SNTG2: variants seen among roughly 807,000 people sequenced by gnomAD.
SNTG2 encodes the protein syntrophin gamma 2.
In SNTG2, 74 loss-of-function variants were observed where a neutral mutation model predicts 70.9. The ratio of observed to expected loss-of-function variants is 1.04; its 90% confidence interval spans 0.86 to 1.27. The LOEUF (loss-of-function observed/expected upper bound fraction) is 1.27, where lower values mean the gene tolerates loss of function less well. Ranked by LOEUF, SNTG2 falls within the 50% of genes most tolerant of loss-of-function variation. The probability of loss-of-function intolerance (pLI) is 0.00; values close to 1 mark genes in which losing one functional copy is unlikely to be tolerated. For synonymous variants in SNTG2, 278 were observed against 273.8 expected (o/e 1.02, Z -0.15); for missense variants, 717 against 690.7 (o/e 1.04, Z -0.43).
chr2:1,090,775 C>T (rs188471598), intron 2 of SNTG2, among the ~76,000 whole-genome samples: 7 of 152,300 alleles, frequency 4.6e-5, no homozygotes, highest in African/African-American at 1.7e-4. Flanking sequence ...CACATGTTCA[C>T]TTGAGGCGTT....
intron 4 of SNTG2, among the ~76,000 whole-genome samples, chr2:1,131,194 C>G (rs541605964): frequency 6.6e-6 from 1 of 152,132 alleles, no homozygotes; most frequent in East Asian, 1.9e-4. Context: ...CTGATTTATT[C>G]CTGGGTGAAT....
chr2:1,288,748 C>A (rs372267205), intron 14 of SNTG2, among the ~76,000 whole-genome samples: 1 of 152,174 alleles, frequency 6.6e-6, no homozygotes, highest in African/African-American at 2.4e-5. Flanking sequence ...ACATGACACA[C>A]CTCACACACA....
intron 1 of SNTG2, among the ~76,000 whole-genome samples, chr2:970,343 G>A (rs1230135141): frequency 6.6e-6 from 1 of 151,410 alleles, no homozygotes; most frequent in East Asian, 2.0e-4. Flanking sequence ...ATGTATACAT[G>A]TGCCATGCTG....
At chr2:1,216,082 G>T (rs1674372572) in intron 9 of SNTG2, among the ~76,000 whole-genome samples, 2 of 152,156 alleles carry the variant, frequency 1.3e-5, no homozygotes, top group African/African-American at 4.8e-5. Flanking sequence ...TAATGGGATG[G>T]CTGGGTCAAA....
At chr2:955,577 T>C (rs1179702478) in intron 1 of SNTG2, among the ~76,000 whole-genome samples, 2 of 152,190 alleles carry the variant, frequency 1.3e-5, no homozygotes, top group Non-Finnish European at 2.9e-5. Context: ...AAATGACAAA[T>C]CCTGTGCAAG....
chr2:1,160,868 G>C (rs1401121028), intron 6 of SNTG2: 1 of 152,306 alleles, frequency 6.6e-6, no homozygotes, highest in African/African-American at 2.4e-5. Context: ...GGAATTCCGA[G>C]GAAGGAACCT....
At chr2:1,180,864 T>G (rs961771538) in intron 8 of SNTG2, among the ~76,000 whole-genome samples, 1 of 152,008 alleles carries the variant, frequency 6.6e-6, no homozygotes, top group Non-Finnish European at 1.5e-5. Context: ...GTGGCACATA[T>G]GCACCATGGA....
At chr2:1,120,587 AAG>A (rs1667318278) in intron 4 of SNTG2, among the ~76,000 whole-genome samples, 1 of 152,162 alleles carries the variant, frequency 6.6e-6, no homozygotes, top group African/African-American at 2.4e-5. Context: ...TGGTAGCCAA[AAG>A]AGAGAAGGGG....
At chr2:1,300,024 A>G (rs937628421) in intron 14 of SNTG2, among the ~76,000 whole-genome samples, 2 of 151,778 alleles carry the variant, frequency 1.3e-5, no homozygotes, top group African/African-American at 4.8e-5. Flanking sequence ...AGGTGCCTCA[A>G]ACGAGGGCAC....
chr2:1,115,525 G>T (rs1166317216), intron 4 of SNTG2, among the ~76,000 whole-genome samples: 3 of 152,178 alleles, frequency 2.0e-5, no homozygotes, highest in African/African-American at 7.2e-5. Context: ...AGGATCATGT[G>T]TACTAAGTGA....
chr2:1,290,551 C>CA (rs1218809183), intron 14 of SNTG2, among the ~76,000 whole-genome samples: 1 of 152,138 alleles, frequency 6.6e-6, no homozygotes, highest in Non-Finnish European at 1.5e-5. Context: ...CTGACCCAAG[C>CA]AATCCACCCA....
At chr2:1,035,407 AG>A (rs1661076326) in intron 1 of SNTG2, among the ~76,000 whole-genome samples, 1 of 152,170 alleles carries the variant, frequency 6.6e-6, no homozygotes, top group African/African-American at 2.4e-5. Context: ...AAATGTATTG[AG>A]GGTTACTTTC....
intron 15 of SNTG2, among the ~76,000 whole-genome samples, chr2:1,309,790 T>C (rs944849485): frequency 2.6e-5 from 4 of 152,248 alleles, no homozygotes; most frequent in African/African-American, 9.6e-5. Context: ...AAGAAGGGAT[T>C]TCACATCTGC....
chr2:1,137,488 TCACGTGGACACATGCACACACACACA>T, intron 4 of SNTG2, 108 bp from the exon 5 acceptor site: 3 of 831,094 alleles, frequency 3.6e-6, no homozygotes, highest in Non-Finnish European at 5.8e-6. Context: ...ACACATCTGC[TCACGTGGACACATGCACACACACACA>T]CACGTGGCCA....
intron 14 of SNTG2, among the ~76,000 whole-genome samples, chr2:1,293,947 A>G (rs1680094494): frequency 6.6e-6 from 1 of 152,210 alleles, no homozygotes; most frequent in Non-Finnish European, 1.5e-5. Context: ...AAGCCTGTGG[A>G]CTAAGAACAT....
chr2:1,030,653 G>A (rs1034409637), intron 1 of SNTG2, among the ~76,000 whole-genome samples: 1 of 152,186 alleles, frequency 6.6e-6, no homozygotes, highest in Non-Finnish European at 1.5e-5. Context: ...ACTGAGCACT[G>A]CTGTACACTC....
chr2:1,173,826 A>C (rs185146754), intron 8 of SNTG2, among the ~76,000 whole-genome samples: 1 of 152,242 alleles, frequency 6.6e-6, no homozygotes, highest in Non-Finnish European at 1.5e-5. Context: ...CTGGGCTCCA[A>C]CTCCCGCAGG....
chr2:1,066,226 TG>T (rs1237843076), intron 1 of SNTG2, among the ~76,000 whole-genome samples: 1 of 152,220 alleles, frequency 6.6e-6, no homozygotes, highest in East Asian at 1.9e-4. Flanking sequence ...GGTGTGGGAA[TG>T]TTTTCCCTGC....
rs1392253494 is a variant in SNTG2 at position 1,316,297 on chromosome 2, T to A, written c.1410T>A (p.Leu470=). The A allele has an allele frequency of 6.5e-7, 1 of 1,549,394 alleles. No individual in the cohort carries two copies. Among genetic ancestry groups the A allele is most frequent in the Non-Finnish European group, 8.7e-7 (1 of 1,145,182 alleles). ...NVLWRFKFSQ[L]KGSSDDGKTR... ...TCTGGAGATTTAAATTTTCCCAGCT[T>A]AAGGGATCTTCAGATGATGGGAAAA... Residue 470 remains leucine, a synonymous_variant, in exon 16 of 17, where the codon CTT becomes CTA. Coordinates refer to ENST00000308624, the MANE Select transcript of SNTG2 (RefSeq NM_018968.4).
Sources: allele counts gnomAD v4.1 joint callset (sites outside exome capture counted in the v4.1 genomes callset), GRCh38; gene constraint gnomAD v4.1.1; transcripts MANE v1.5; gene names NCBI Gene and HGNC (gene_info 2026-07-23, HGNC 2026-07-21).